SGCD: variants seen among roughly 807,000 people sequenced by gnomAD.
The protein encoded by SGCD is sarcoglycan delta, also known as delta-sarcoglycan.
A neutral mutation model predicts 36.6 loss-of-function variants in SGCD; 18 were observed. The ratio of observed to expected loss-of-function variants is 0.49; its 90% CI spans 0.34 to 0.73. The LOEUF is 0.73. Among genes scored for constraint, SGCD ranks in the 30% least tolerant of loss-of-function variants. The pLI, the probability that SGCD is intolerant of heterozygous loss-of-function variation, is 0.01. For missense variants in SGCD, 387 were observed against 346.7 expected, an observed-to-expected ratio of 1.12 and a Z score of -0.92; for synonymous variants, 133 against 130.6, an observed-to-expected ratio of 1.02 and a Z score of -0.12.
At chr5:155,894,525 G>A (rs1236907829) in intron 1 of SGCD, among the ~76,000 whole-genome samples, 11 of 152,146 alleles carry the variant, frequency 7.2e-5, no homozygotes, top group Admixed American at 7.2e-4. Flanking sequence ...GGGCCGCATA[G>A]CAGATGAGCA....
At chr5:156,453,286 T>A (rs1410054817) in intron 3 of SGCD, among the ~76,000 whole-genome samples, 2 of 152,042 alleles carry the variant, frequency 1.3e-5, no homozygotes, top group African/African-American at 4.8e-5. Context: ...AAATGGACAA[T>A]TTCTTCTTTA....
intron 1 of SGCD, among the ~76,000 whole-genome samples, chr5:156,027,076 G>T (rs1759239842): frequency 6.6e-6 from 1 of 152,152 alleles, no homozygotes; most frequent in Admixed American, 6.6e-5. Context: ...TTAACCAGCA[G>T]TATTTTTTCT....
chr5:155,753,334 T>TCAAAAAAAAAAAAAAAA, the SGCD span, among the ~76,000 whole-genome samples: 11 of 135,836 alleles, frequency 8.1e-5, 2 homozygotes, highest in African/African-American at 3.9e-4. Context: ...AGACTTTGTC[T>TCAAAAAAAAAAAAAAAA]AAAAAAAAAA....
chr5:156,764,660 C>T lies in SGCD; in HGVS notation c.*5270C>T, dbSNP rs1464455619. On this transcript the variant is annotated 3_prime_UTR_variant, in exon 9 of 9. Transcript: ENST00000337851. ...GCTGTTTTCTTTGGTTCTCCCCCTA[C>T]CTTCCTTTTGTAGATATTGACAGAA... 2 of 152,308 alleles carry T rather than the reference C, an allele frequency of 1.3e-5. No individual in the cohort carries two copies. Among genetic ancestry groups the T allele is most frequent in the African/African-American group, 2.4e-5 (1 of 41,428 alleles). The allele number at this position is 152,308 out of a possible 1,614,324, so 9.4% of individuals were successfully genotyped here. A position where few individuals can be genotyped will look rare whatever the true frequency, so the allele number is the denominator to read the frequency against.
chr5:156,023,858 C>G (rs1305076814), intron 1 of SGCD, among the ~76,000 whole-genome samples: 1 of 152,202 alleles, frequency 6.6e-6, no homozygotes, highest in East Asian at 1.9e-4. Flanking sequence ...AACTTCTACT[C>G]TGCAATTGCT....
the SGCD span, among the ~76,000 whole-genome samples, chr5:155,786,082 T>A: frequency 2.6e-5 from 4 of 152,154 alleles, no homozygotes; most frequent in Admixed American, 6.5e-5. Context: ...TTAGGAAATG[T>A]TCAATAAAGA....
chr5:156,127,085 A>G lies in SGCD; in HGVS notation c.-44+3066A>G, dbSNP rs183685067. On this transcript the variant is annotated intron_variant, in intron 3 of 9. Coordinates refer to the SGCD transcript ENST00000517913. Reference sequence around the variant, plus strand: ...AAACTAGGAGAATCTAAGAATATTAATGACCCATATGCCTTAGTGTGTGTG... The same window carrying G: ...AAACTAGGAGAATCTAAGAATATTAGTGACCCATATGCCTTAGTGTGTGTG... Among the ~76,000 whole-genome samples, 3 of 152,326 alleles carry G rather than the reference A, an allele frequency of 2.0e-5. No individual in the cohort carries two copies. The East Asian group carries it at 5.8e-4, about 29-fold the overall frequency.
intron 1 of SGCD, among the ~76,000 whole-genome samples, chr5:156,075,269 T>C (rs1248977237): frequency 6.6e-6 from 1 of 151,908 alleles, no homozygotes; most frequent in Non-Finnish European, 1.5e-5. Context: ...TTGGAAATGA[T>C]GCAAAGGTGA....
chr5:155,790,276 C>T, the SGCD span, among the ~76,000 whole-genome samples: 1 of 152,024 alleles, frequency 6.6e-6, no homozygotes, highest in African/African-American at 2.4e-5. Context: ...TTACCCAAGA[C>T]AGCATGTTTG....
At chr5:156,607,378 G>T (rs1474366022) in intron 6 of SGCD, among the ~76,000 whole-genome samples, 1 of 152,196 alleles carries the variant, frequency 6.6e-6, no homozygotes, top group East Asian at 1.9e-4. Context: ...AACCAGCCTT[G>T]CATCCCAGGG....
chr5:156,093,480 T>A (rs1761296430), intron 1 of SGCD, among the ~76,000 whole-genome samples: 1 of 152,234 alleles, frequency 6.6e-6, no homozygotes, highest in African/African-American at 2.4e-5. Flanking sequence ...GAAGATTTGG[T>A]AAATATGTTC....
intron 2 of SGCD, among the ~76,000 whole-genome samples, chr5:156,340,150 G>T (rs573647444): frequency 2.6e-5 from 4 of 152,210 alleles, no homozygotes; most frequent in African/African-American, 9.6e-5. Flanking sequence ...AACACATATG[G>T]AACATTTATG....
chr5:156,738,922 G>T (rs577895784), intron 7 of SGCD, among the ~76,000 whole-genome samples: 9 of 152,192 alleles, frequency 5.9e-5, no homozygotes, highest in Non-Finnish European at 8.8e-5. Flanking sequence ...CAGATGAGGT[G>T]CTTGGGCTCA....
intron 1 of SGCD, among the ~76,000 whole-genome samples, chr5:156,089,626 G>T (rs936453255): frequency 6.6e-6 from 1 of 152,190 alleles, no homozygotes; most frequent in African/African-American, 2.4e-5. Context: ...TTGGGTATTT[G>T]AGTGAGACTT....
intron 4 of SGCD, among the ~76,000 whole-genome samples, chr5:156,573,817 C>G (rs750572005): frequency 1.3e-5 from 2 of 152,086 alleles, no homozygotes; most frequent in Non-Finnish European, 2.9e-5. Flanking sequence ...ACTCTGCCTC[C>G]CCAGTAGTTA....
intron 3 of SGCD, among the ~76,000 whole-genome samples, chr5:156,405,810 A>C (rs1772370758): frequency 6.6e-6 from 1 of 152,094 alleles, no homozygotes; most frequent in Non-Finnish European, 1.5e-5. Context: ...GCCTGGGGGC[A>C]GGACCACAGT....
chr5:156,212,769 AT>A (rs1764478577), intron 3 of SGCD, among the ~76,000 whole-genome samples: 1 of 152,138 alleles, frequency 6.6e-6, no homozygotes, highest in Non-Finnish European at 1.5e-5. Context: ...GTCTTAATGC[AT>A]TTAAGAAGAT....
At chr5:155,849,208 G>A in the SGCD span, among the ~76,000 whole-genome samples, 2 of 152,122 alleles carry the variant, frequency 1.3e-5, no homozygotes, top group East Asian at 1.9e-4. Flanking sequence ...CTCCTTCTGG[G>A]AAGTAACTTA....
At chr5:156,605,225 G>C (rs1424993482) in intron 6 of SGCD, among the ~76,000 whole-genome samples, 2 of 151,660 alleles carry the variant, frequency 1.3e-5, no homozygotes, top group Non-Finnish European at 2.9e-5. Flanking sequence ...AACAGGCCTC[G>C]GTGTGTGATG....
Sources: gnomAD v4.1 joint callset for allele counts (sites outside exome capture counted in the v4.1 genomes callset) on GRCh38, gnomAD v4.1.1 for gene constraint, MANE v1.5 for transcripts, NCBI Gene and HGNC (gene_info 2026-07-23, HGNC 2026-07-21) for gene names.